SLC28A1: variants seen among roughly 807,000 people sequenced by gnomAD.
SLC28A1 encodes the protein solute carrier family 28 member 1, also known as sodium/nucleoside cotransporter 1.
A neutral mutation model predicts 74.8 loss-of-function variants in SLC28A1; 64 were observed. That is an observed-to-expected ratio of 0.86 (90% CI 0.70 to 1.05). SLC28A1 has a LOEUF of 1.05. Among genes scored for constraint, SLC28A1 ranks in the 50% least tolerant of loss-of-function variants. The probability of loss-of-function intolerance (pLI) is 0.00; values close to 1 mark genes in which losing one functional copy is unlikely to be tolerated. For synonymous variants in SLC28A1, 359 were observed against 335.0 expected (o/e 1.07, Z -0.78); for missense variants, 828 against 822.8 (o/e 1.01, Z -0.08).
At chr15:84,952,020 A>G in the SLC28A1 span, among the ~76,000 whole-genome samples, 7 of 152,136 alleles carry the variant, frequency 4.6e-5, no homozygotes, top group African/African-American at 1.4e-4. Flanking sequence ...TGTGCTGTGT[A>G]TAACCTTTCA....
chr15:84,966,611 A>G, the SLC28A1 span, among the ~76,000 whole-genome samples: 2 of 152,234 alleles, frequency 1.3e-5, no homozygotes, highest in Non-Finnish European at 2.9e-5. Context: ...AAGAGGTTTA[A>G]AGGATTTACA....
At chr15:84,917,027 C>CAAAAA (rs71466062) in intron 9 of SLC28A1, among the ~76,000 whole-genome samples, 1 of 27,708 alleles carries the variant, frequency 3.6e-5, no homozygotes, top group African/African-American at 8.5e-5. Context: ...GATTCTGTCT[C>CAAAAA]AAAAAAAAAA....
At chr15:84,923,469 A>G (rs1372409661) in intron 11 of SLC28A1, among the ~76,000 whole-genome samples, 1 of 152,110 alleles carries the variant, frequency 6.6e-6, no homozygotes, top group African/African-American at 2.4e-5. Flanking sequence ...GCGCTCAACA[A>G]CTAGATACTG....
the SLC28A1 span, among the ~76,000 whole-genome samples, chr15:84,954,516 G>A: frequency 2.2e-4 from 33 of 152,302 alleles, no homozygotes; most frequent in Non-Finnish European, 4.0e-4. Flanking sequence ...TGCTGTCCGT[G>A]TAATCCTTAA....
intron 12 of SLC28A1, among the ~76,000 whole-genome samples, chr15:84,924,802 A>G (rs1315809666): frequency 1.3e-5 from 2 of 152,238 alleles, no homozygotes; most frequent in Non-Finnish European, 2.9e-5. Flanking sequence ...TTCCTTAATG[A>G]TCAAAGAAAT....
intron 8 of SLC28A1, among the ~76,000 whole-genome samples, chr15:84,906,573 T>TCTTTCTTTCTTTCTCTTG (rs1967246980): frequency 3.1e-5 from 3 of 97,978 alleles, no homozygotes; most frequent in Admixed American, 1.1e-4. Flanking sequence ...TCTCTTTCTT[T>TCTTTCTTTCTTTCTCTTG]CTTCCTTCCT....
intron 12 of SLC28A1, among the ~76,000 whole-genome samples, chr15:84,924,695 C>T (rs1970268209): frequency 6.6e-6 from 1 of 152,222 alleles, no homozygotes; most frequent in Non-Finnish European, 1.5e-5. Flanking sequence ...ATGCATCCCT[C>T]ACATAATGCC....
chr15:84,929,504 A>G (rs1332299835), intron 12 of SLC28A1, among the ~76,000 whole-genome samples: 1 of 149,734 alleles, frequency 6.7e-6, no homozygotes, highest in Non-Finnish European at 1.5e-5. Context: ...AGATCGCCCC[A>G]TTGCACTCCA....
At chr15:84,963,504 C>T in the SLC28A1 span, among the ~76,000 whole-genome samples, 25 of 152,188 alleles carry the variant, frequency 1.6e-4, no homozygotes, top group Admixed American at 5.2e-4. Flanking sequence ...GTGGTGGACA[C>T]GTGGCGGAGG....
intron 9 of SLC28A1, among the ~76,000 whole-genome samples, chr15:84,916,032 G>C (rs1029347347): frequency 2.0e-5 from 3 of 151,622 alleles, no homozygotes; most frequent in African/African-American, 7.3e-5. Flanking sequence ...GGATGATCTC[G>C]GCTCACTGCA....
At chr15:84,916,412 A>G (rs924076493) in intron 9 of SLC28A1, among the ~76,000 whole-genome samples, 1 of 151,318 alleles carries the variant, frequency 6.6e-6, no homozygotes, top group Non-Finnish European at 1.5e-5. Flanking sequence ...TAGCTGTTAA[A>G]AAAAAATTTG....
At chr15:84,970,942 G>A in the SLC28A1 span, among the ~76,000 whole-genome samples, 15 of 152,312 alleles carry the variant, frequency 9.8e-5, 1 homozygote, top group South Asian at 1.0e-3. Context: ...AGCCTTTGAC[G>A]TCTGTTATGC....
At chr15:84,938,215 A>AG (rs1972176976) in intron 15 of SLC28A1, among the ~76,000 whole-genome samples, 3 of 151,148 alleles carry the variant, frequency 2.0e-5, no homozygotes, top group Non-Finnish European at 2.9e-5. Context: ...AAAAAAAAAA[A>AG]AGGTTTCTAT....
At chr15:84,928,915 G>A (rs1215544993) in intron 12 of SLC28A1, among the ~76,000 whole-genome samples, 2 of 151,654 alleles carry the variant, frequency 1.3e-5, no homozygotes, top group East Asian at 2.0e-4. Context: ...GAGCCACTGC[G>A]CCCAGCCTCC....
intron 9 of SLC28A1, among the ~76,000 whole-genome samples, chr15:84,916,487 A>G (rs1313729685): frequency 1.3e-4 from 19 of 151,866 alleles, no homozygotes; most frequent in Admixed American, 1.2e-3. Flanking sequence ...AGCTCAAGCA[A>G]TCCTCCTGCC....
chr15:84,969,596 G>A, the SLC28A1 span, among the ~76,000 whole-genome samples: 1 of 152,126 alleles, frequency 6.6e-6, no homozygotes, highest in South Asian at 2.1e-4. Flanking sequence ...CAGACTGCAG[G>A]GTCCCAAGCA....
chr15:84,915,499 A>G (rs955462114), intron 9 of SLC28A1, among the ~76,000 whole-genome samples: 1 of 152,218 alleles, frequency 6.6e-6, no homozygotes, highest in Non-Finnish European at 1.5e-5. Flanking sequence ...GGCAGTGAGC[A>G]CAGTGCTGCT....
Position 84,918,521 on chromosome 15 carries a change from C to T in SLC28A1, c.796-3C>T. On this transcript the variant is annotated splice_polypyrimidine_tract_variant and splice_region_variant and intron_variant, in intron 9 of 18. Coordinates refer to ENST00000394573, the MANE Select transcript of SLC28A1 (RefSeq NM_004213.5). ...TGCGGTCCTATGATCTCCTTCCCGG[C>T]AGGTTCTGCCCATCATTGTCTTTTT... is the stretch of plus-strand genomic sequence containing the variant. 1 of 1,613,210 alleles carries T rather than the reference C, an allele frequency of 6.2e-7. No homozygotes were observed. The highest frequency in any genetic ancestry group is 2.2e-5 in the East Asian group (1 of 44,874).
At chr15:84,894,028 T>C (rs1344712899) in intron 5 of SLC28A1, among the ~76,000 whole-genome samples, 1 of 152,176 alleles carries the variant, frequency 6.6e-6, no homozygotes, top group African/African-American at 2.4e-5. Context: ...TTTTTATCCA[T>C]GGCTATGAGT....
Sources: gnomAD v4.1 joint callset for allele counts (sites outside exome capture counted in the v4.1 genomes callset) on GRCh38, gnomAD v4.1.1 for gene constraint, MANE v1.5 for transcripts, NCBI Gene and HGNC (gene_info 2026-07-23, HGNC 2026-07-21) for gene names.